COL22A1: variants seen among roughly 807,000 people sequenced by gnomAD.
COL22A1 encodes the protein collagen type XXII alpha 1 chain.
In COL22A1, 221 loss-of-function variants were observed where a neutral mutation model predicts 248.9. That is an observed-to-expected ratio of 0.89 (90% CI 0.80 to 0.99). The LOEUF (loss-of-function observed/expected upper bound fraction) is 0.99, where lower values mean the gene tolerates loss of function less well. Ranked by LOEUF, COL22A1 falls within the 50% of genes least tolerant of loss-of-function variation. The pLI is 0.00. For synonymous variants in COL22A1, 891 were observed against 793.4 expected (o/e 1.12, Z -2.07); for missense variants, 2,240 against 2,179.0 (o/e 1.03, Z -0.56).
chr8:138,747,180 T>C (rs947245205), intron 22 of COL22A1, among the ~76,000 whole-genome samples: 1 of 152,232 alleles, frequency 6.6e-6, no homozygotes, highest in Non-Finnish European at 1.5e-5. Flanking sequence ...ATTTTAGGAC[T>C]TGCTTTCAGT....
At chr8:138,619,566 C>T in intron 52 of COL22A1, 58 bp from the exon 53 acceptor site, 1 of 1,519,722 alleles carries the variant, frequency 6.6e-7, no homozygotes. Flanking sequence ...TCTTCCTATT[C>T]CTGGCTCTCT....
intron 63 of COL22A1, among the ~76,000 whole-genome samples, chr8:138,592,092 G>C (rs543341304): frequency 2.6e-5 from 4 of 152,202 alleles, no homozygotes; most frequent in Non-Finnish European, 4.4e-5. Flanking sequence ...CAAGAAGCTT[G>C]AAATTCAATA....
intron 54 of COL22A1, 131 bp from the exon 55 acceptor site, chr8:138,616,185 C>T (rs1031405341): frequency 2.6e-6 from 2 of 765,340 alleles, no homozygotes; most frequent in South Asian, 1.6e-5. Flanking sequence ...TACGCAGAGC[C>T]CCAGCCCTGA....
intron 45 of COL22A1, among the ~76,000 whole-genome samples, chr8:138,654,804 A>G (rs866324115): frequency 6.6e-6 from 1 of 152,090 alleles, no homozygotes; most frequent in Non-Finnish European, 1.5e-5. Flanking sequence ...GCTGTGCCCT[A>G]TCTTGGCCGA....
Position 138,844,124 on chromosome 8 carries a change from A to G in COL22A1, c.693T>C (p.Asp231=). The change falls in exon 4 of 65, where the codon GAT becomes GAC. Residue 231 remains aspartate, a synonymous_variant. Transcript: ENST00000303045. ...TTCCTCCATTGGTGTGCTTAAAGCG[A>G]TCTCCTTCTACACGAACGCTAGGAC... ...VLCPSVRVEG[D]RFKHTNGGTK... 6.2e-7 allele frequency: 1 copy of G among 1,614,192 alleles called. No homozygotes were observed. The highest frequency in any genetic ancestry group is 1.1e-5 in the South Asian group (1 of 91,078).
At chr8:138,681,026 C>T (rs1462971586) in intron 39 of COL22A1, among the ~76,000 whole-genome samples, 5 of 152,180 alleles carry the variant, frequency 3.3e-5, no homozygotes, top group African/African-American at 1.2e-4. Flanking sequence ...CTCTTTAATG[C>T]TGCCTCCCCC....
chr8:138,647,887 T>G (rs1397244080), intron 46 of COL22A1, among the ~76,000 whole-genome samples: 1 of 152,180 alleles, frequency 6.6e-6, no homozygotes, highest in African/African-American at 2.4e-5. Flanking sequence ...GATTTAGAAA[T>G]GCCACCCTGA....
At chr8:138,605,411 G>T (rs1003331867) in intron 58 of COL22A1, among the ~76,000 whole-genome samples, 2 of 152,206 alleles carry the variant, frequency 1.3e-5, no homozygotes, top group African/African-American at 4.8e-5. Flanking sequence ...GTGCCTGGCT[G>T]CTCAGTAGCA....
chr8:138,695,100 G>A (rs1827402135), intron 32 of COL22A1, among the ~76,000 whole-genome samples: 1 of 152,080 alleles, frequency 6.6e-6, no homozygotes, highest in Non-Finnish European at 1.5e-5. Context: ...ACTTCTTCTG[G>A]GAAGCTGAAC....
At chr8:138,720,715 G>A (rs1476111187) in intron 27 of COL22A1, 24 bp downstream of exon 27, 2 of 1,598,802 alleles carry the variant, frequency 1.3e-6, no homozygotes, top group Non-Finnish European at 1.7e-6. Context: ...CAAGCATAAT[G>A]GGAAAAAGAG....
At chr8:138,597,004 C>T in intron 61 of COL22A1, 34 bp from the exon 62 acceptor site, 3 of 1,588,296 alleles carry the variant, frequency 1.9e-6, no homozygotes, top group South Asian at 2.2e-5. Flanking sequence ...CATTCATCTT[C>T]CCAGTAACTT....
At chr8:138,672,959 A>G (rs1452375488) in intron 41 of COL22A1, among the ~76,000 whole-genome samples, 1 of 152,208 alleles carries the variant, frequency 6.6e-6, no homozygotes. Context: ...CAACTTAAAC[A>G]TTGCTAAGGG....
At chr8:138,664,539 C>A (rs1587809072) in intron 41 of COL22A1, among the ~76,000 whole-genome samples, 1 of 152,100 alleles carries the variant, frequency 6.6e-6, no homozygotes, top group South Asian at 2.1e-4. Context: ...TGGAGAGCCT[C>A]CTCTGGCTTC....
At chr8:138,599,131 A>G (rs776634365) in intron 60 of COL22A1, among the ~76,000 whole-genome samples, 10 of 152,188 alleles carry the variant, frequency 6.6e-5, no homozygotes, top group Admixed American at 2.0e-4. Flanking sequence ...TCATGAGGTC[A>G]GGAGATTGAG....
intron 39 of COL22A1, among the ~76,000 whole-genome samples, chr8:138,683,842 C>T (rs1266536979): frequency 6.6e-6 from 1 of 152,162 alleles, no homozygotes; most frequent in African/African-American, 2.4e-5. Context: ...TAATTCAAGA[C>T]TGCTTAGACC....
chr8:138,764,490 C>T (rs1833766585), intron 16 of COL22A1, among the ~76,000 whole-genome samples: 3 of 152,238 alleles, frequency 2.0e-5, no homozygotes, highest in South Asian at 4.1e-4. Flanking sequence ...TCCCCATACC[C>T]ACTGATGTGA....
chr8:138,602,292 C>G, intron 59 of COL22A1, 133 bp from the exon 60 acceptor site: 2 of 759,726 alleles, frequency 2.6e-6, no homozygotes, highest in Non-Finnish European at 2.1e-6. Flanking sequence ...CCGAGGGCTC[C>G]TTTCTGATTT....
intron 17 of COL22A1, among the ~76,000 whole-genome samples, chr8:138,761,125 T>C (rs971579798): frequency 6.6e-6 from 1 of 152,202 alleles, no homozygotes; most frequent in Admixed American, 6.5e-5. Flanking sequence ...TGGCTTCCCC[T>C]GCACCCTGAG....
At chr8:138,844,949 CAA>C (rs56957004) in intron 3 of COL22A1, among the ~76,000 whole-genome samples, 219 of 49,288 alleles carry the variant, frequency 4.4e-3, no homozygotes, top group African/African-American at 0.013. Flanking sequence ...GACTCCATCT[CAA>C]AAAAAAAAAA....
Sources: gnomAD v4.1 joint callset for allele counts (sites outside exome capture counted in the v4.1 genomes callset) on GRCh38, gnomAD v4.1.1 for gene constraint, MANE v1.5 for transcripts, NCBI Gene and HGNC (gene_info 2026-07-23, HGNC 2026-07-21) for gene names.